Variants in RRAS2 observed in about 807,000 individuals in gnomAD.
RRAS2 encodes the protein ras-related protein R-Ras2.
RRAS2 carries 7 observed loss-of-function variants against 27.6 expected under a neutral mutation model. That is an observed-to-expected ratio of 0.25 (90% CI 0.14 to 0.48). The LOEUF (loss-of-function observed/expected upper bound fraction) is 0.48, where lower values mean the gene tolerates loss of function less well. Ranked by LOEUF, RRAS2 falls within the 20% of genes least tolerant of loss-of-function variation. The probability of loss-of-function intolerance (pLI) is 0.99; values close to 1 mark genes in which losing one functional copy is unlikely to be tolerated. For missense variants in RRAS2, 178 were observed against 256.2 expected (o/e 0.69, Z 2.08); for synonymous variants, 86 against 90.9 (o/e 0.95, Z 0.31).
Position 14,281,760 on chromosome 11 carries a change from A to T in RRAS2, c.409-40T>A, listed in dbSNP as rs782236887. On this transcript the variant is annotated intron_variant, in intron 4 of 5. Transcript: ENST00000256196. ...GTTATGTTTATGGTACATTATTAAC[A>T]ACTGGATTTGTTCCATCTAATCCTG... The T allele has an allele frequency of 6.6e-6, 10 of 1,511,014 alleles. No homozygotes were observed. The East Asian group carries it at 2.3e-4, about 35-fold the overall frequency. The allele number at this position is 1,511,014 out of a possible 1,614,324, so 93.6% of individuals were successfully genotyped here. A position where few individuals can be genotyped will look rare whatever the true frequency, so the allele number is the denominator to read the frequency against.
At chr11:14,338,300 T>C (rs1848628384) in intron 1 of RRAS2, among the ~76,000 whole-genome samples, 2 of 152,192 alleles carry the variant, frequency 1.3e-5, no homozygotes, top group African/African-American at 4.8e-5. Context: ...ACGCAGATAC[T>C]AGTAAGTACA....
intron 1 of RRAS2, among the ~76,000 whole-genome samples, chr11:14,331,489 A>C (rs1554951882): frequency 6.6e-6 from 1 of 152,134 alleles, no homozygotes; most frequent in African/African-American, 2.4e-5. Context: ...ATGTAGAAAA[A>C]AATAGTTAAC....
Position 14,286,798 on chromosome 11 carries a change from C to T in RRAS2, c.409-5078G>A, listed in dbSNP as rs371631569. On this transcript the variant is annotated intron_variant, in intron 4 of 5. Transcript: ENST00000256196. ...TTTACCTTGTCTCTCTTCAAAATAACGTATGTGCCACAAGGCTATGCATTT... is the reference window on the plus strand; with the variant it reads ...TTTACCTTGTCTCTCTTCAAAATAATGTATGTGCCACAAGGCTATGCATTT... Among the ~76,000 whole-genome samples the T allele has an allele frequency of 1.1e-4, 16 of 152,286 alleles. No homozygotes were observed. In the East Asian group the frequency reaches 1.3e-3, roughly 13 times the overall value.
chr11:14,335,929 C>T (rs1375913875), intron 1 of RRAS2, among the ~76,000 whole-genome samples: 1 of 152,174 alleles, frequency 6.6e-6, no homozygotes, highest in Non-Finnish European at 1.5e-5. Context: ...ATGACAGCTG[C>T]TCTACTCCCA....
At chr11:14,293,124 A>AGTATATATATATATATATAT (rs1376616443) in intron 4 of RRAS2, among the ~76,000 whole-genome samples, 2 of 76,798 alleles carry the variant, frequency 2.6e-5, no homozygotes, top group African/African-American at 6.2e-5. Context: ...AAACAAAACA[A>AGTATATATATATATATATAT]ATATATATAT....
intron 1 of RRAS2, among the ~76,000 whole-genome samples, chr11:14,340,343 C>CA (rs1848677611): frequency 6.6e-6 from 1 of 151,800 alleles, no homozygotes; most frequent in Non-Finnish European, 1.5e-5. Flanking sequence ...TCAAGTGATC[C>CA]AGCTGCCTCG....
intron 4 of RRAS2, among the ~76,000 whole-genome samples, chr11:14,289,633 C>T (rs1163446225): frequency 1.3e-5 from 2 of 152,156 alleles, no homozygotes; most frequent in African/African-American, 2.4e-5. Flanking sequence ...TTTTATCTCA[C>T]GTAAACCTCA....
chr11:14,282,268 G>C lies in RRAS2; in HGVS notation c.409-548C>G, dbSNP rs74623632. Among the ~76,000 whole-genome samples, 17 of 152,312 alleles carry C rather than the reference G, an allele frequency of 1.1e-4. No homozygotes were observed. The East Asian group carries it at 2.7e-3, about 24-fold the overall frequency. On this transcript the variant is annotated intron_variant, in intron 4 of 5. Transcript: ENST00000256196. ...GCAAGAGGTGAGGATGGAGAAAAGT[G>C]TAAGTTTCAGAGGCCATAAGGTCTC...
At chr11:14,306,516 C>T (rs1847832967) in intron 1 of RRAS2, among the ~76,000 whole-genome samples, 1 of 152,096 alleles carries the variant, frequency 6.6e-6, no homozygotes, top group Admixed American at 6.6e-5. Flanking sequence ...AGCCTTCCTG[C>T]CATAAGTGAG....
At chr11:14,285,707 G>C (rs1292049098) in intron 4 of RRAS2, among the ~76,000 whole-genome samples, 9 of 152,128 alleles carry the variant, frequency 5.9e-5, no homozygotes, top group African/African-American at 2.2e-4. Context: ...AGTAGGTAAT[G>C]AATCCTAGTT....
intron 1 of RRAS2, among the ~76,000 whole-genome samples, chr11:14,336,012 A>T (rs1848582388): frequency 6.6e-6 from 1 of 152,168 alleles, no homozygotes; most frequent in Admixed American, 6.5e-5. Context: ...CCACACTCAA[A>T]AGGCTGTAAA....
chr11:14,337,934 C>A (rs1210808256), intron 1 of RRAS2, among the ~76,000 whole-genome samples: 1 of 152,022 alleles, frequency 6.6e-6, no homozygotes, highest in Admixed American at 6.6e-5. Context: ...ATAAAAGGAA[C>A]CTTGAAACAT....
chr11:14,316,190 C>T (rs1474696021), intron 1 of RRAS2, among the ~76,000 whole-genome samples: 5 of 152,068 alleles, frequency 3.3e-5, no homozygotes, highest in African/African-American at 1.2e-4. Flanking sequence ...GACAATCGCA[C>T]AGTGCAATAT....
At chr11:14,303,315 ACTGAG>A (rs1554947645) in intron 1 of RRAS2, among the ~76,000 whole-genome samples, 1 of 152,214 alleles carries the variant, frequency 6.6e-6, no homozygotes, top group East Asian at 1.9e-4. Context: ...TAACTGATAT[ACTGAG>A]TTAAACTCAA....
intron 1 of RRAS2, among the ~76,000 whole-genome samples, chr11:14,307,951 G>A (rs1847872570): frequency 6.6e-6 from 1 of 152,188 alleles, no homozygotes; most frequent in South Asian, 2.1e-4. Context: ...ATATGTACAA[G>A]GTTGTTCATA....
chr11:14,323,650 A>G (rs1848279787), intron 1 of RRAS2, among the ~76,000 whole-genome samples: 1 of 152,200 alleles, frequency 6.6e-6, no homozygotes. Context: ...AGAGAATAGA[A>G]AAGGAGGAAA....
At chr11:14,362,779 C>T (rs1849207247), upstream of RRAS2, among the ~76,000 whole-genome samples, 1 of 152,198 alleles carries the variant, frequency 6.6e-6, no homozygotes, top group Non-Finnish European at 1.5e-5. Flanking sequence ...TCTCCTGACT[C>T]CCCTGCTCAG....
At chr11:14,355,447 G>A (rs187691030) in intron 1 of RRAS2, among the ~76,000 whole-genome samples, 22 of 152,262 alleles carry the variant, frequency 1.4e-4, no homozygotes, top group Admixed American at 5.2e-4. Context: ...ACAGAAAGGA[G>A]GAGGTAATGT....
At position 14,358,593 on chromosome 11, in the gene RRAS2, T is replaced by C. The variant is rs1159322274; in HGVS notation, c.108+170A>G. ...CCGGGAGGAGGCAGGAGCGCGACGC[T>C]GCGGCCGCAGGGCAGGAGCGTAGTC... On this transcript the variant is annotated intron_variant, in intron 1 of 5. Coordinates refer to ENST00000256196, the MANE Select transcript of RRAS2 (RefSeq NM_012250.6). This position sits in a 1 kb window ranked among gnomAD's most constrained non-coding sequence, Gnocchi z 5.1. 1.0e-6 allele frequency: 1 copy of C among 984,052 alleles called. No homozygotes were observed. Among genetic ancestry groups the C allele is most frequent in the Non-Finnish European group, 1.2e-6 (1 of 828,816 alleles). 61.0% of individuals were successfully genotyped at this position (984,052 alleles called of 1,614,324 possible). A position where few individuals can be genotyped will look rare whatever the true frequency, so the allele number is the denominator to read the frequency against.
Sources: gnomAD v4.1 joint callset for allele counts (sites outside exome capture counted in the v4.1 genomes callset) on GRCh38, gnomAD v4.1.1 for gene constraint, Gnocchi (gnomAD v3.1) non-coding constraint, MANE v1.5 for transcripts, NCBI Gene and HGNC (gene_info 2026-07-23, HGNC 2026-07-21) for gene names.